Variants in STUM observed in about 807,000 individuals in gnomAD.
STUM encodes protein stum homolog.
A neutral mutation model predicts 15.3 loss-of-function variants in STUM; 8 were observed. The ratio of observed to expected loss-of-function variants is 0.52; its 90% confidence interval spans 0.31 to 0.94. The LOEUF (loss-of-function observed/expected upper bound fraction) is 0.94, where lower values mean the gene tolerates loss of function less well. STUM is among the 40% of genes least tolerant of loss of function. The probability of loss-of-function intolerance (pLI) is 0.05; values close to 1 mark genes in which losing one functional copy is unlikely to be tolerated. For missense variants in STUM, 142 were observed against 204.9 expected (o/e 0.69, Z 1.87); for synonymous variants, 78 against 88.7 (o/e 0.88, Z 0.68).
chr1:226,594,133 T>C (rs930232724), intron 1 of STUM, among the ~76,000 whole-genome samples: 1 of 152,084 alleles, frequency 6.6e-6, no homozygotes, highest in Non-Finnish European at 1.5e-5. Context: ...AATCAGCATG[T>C]GGACTCAGGC....
At chr1:226,563,257 C>G (rs766814885) in intron 1 of STUM, among the ~76,000 whole-genome samples, 1 of 152,248 alleles carries the variant, frequency 6.6e-6, no homozygotes, top group Non-Finnish European at 1.5e-5. Flanking sequence ...GTCACATCCT[C>G]TCTCTTATCA....
Position 226,596,858 on chromosome 1 carries a change from A to G in STUM, c.259A>G (p.Arg87Gly). The G allele has an allele frequency of 6.2e-7, 1 of 1,614,204 alleles. No individual in the cohort carries two copies. The highest frequency in any genetic ancestry group is 8.5e-7 in the Non-Finnish European group (1 of 1,180,022). Residue 87 changes from arginine (R) to glycine (G), a missense_variant, in exon 2 of 4, where the codon AGG becomes GGG. Transcript: ENST00000366788. Reference protein sequence around the residue: ...LCGARTDLPDRHVCCVFWLNI... With the variant: ...LCGARTDLPDGHVCCVFWLNI... ...CGGGGCCCGCACCGACCTCCCGGAC[A>G]GGCATGTGTGCTGCGTCTTCTGGCT...
chr1:226,566,815 A>G (rs1436049511), intron 1 of STUM, among the ~76,000 whole-genome samples: 3 of 152,192 alleles, frequency 2.0e-5, no homozygotes, highest in Non-Finnish European at 4.4e-5. Flanking sequence ...GATTTTTATA[A>G]GTGGGTTTTG....
At position 226,600,591 on chromosome 1, in the gene STUM, C is replaced by T; in HGVS notation, c.383-75C>T. ...CCTGTGCCAAGCGTTCCCTGTGGCTCTGTTTTCAGGCTGTGTTTTCTCTTC... is the reference window on the plus strand; with the variant it reads ...CCTGTGCCAAGCGTTCCCTGTGGCTTTGTTTTCAGGCTGTGTTTTCTCTTC... On this transcript the variant is annotated intron_variant, in intron 2 of 3. Coordinates refer to ENST00000366788, the MANE Select transcript of STUM (RefSeq NM_001003665.4). This position sits in a 1 kb window ranked among gnomAD's most constrained non-coding sequence, Gnocchi z 5.2. The T allele has an allele frequency of 6.4e-7, 1 of 1,570,214 alleles. No individual in the cohort carries two copies. The highest frequency in any genetic ancestry group is 8.7e-7 in the Non-Finnish European group (1 of 1,147,214).
chr1:226,588,776 C>T lies in STUM; in HGVS notation c.203-8026C>T, dbSNP rs559245990. Among the ~76,000 whole-genome samples the T allele has an allele frequency of 2.0e-5, 3 of 152,298 alleles. No individual in the cohort carries two copies. In the East Asian group the frequency reaches 5.8e-4, roughly 29 times the overall value. On this transcript the variant is annotated intron_variant, in intron 1 of 3. Coordinates refer to ENST00000366788, the MANE Select transcript of STUM (RefSeq NM_001003665.4). ...CTGATTTTGACCCTGAACATAATCT[C>T]CCATTTAGCTTATTCTGGCCTTGAA... is the stretch of plus-strand genomic sequence containing the variant.
chr1:226,563,530 G>A (rs971073045), intron 1 of STUM, among the ~76,000 whole-genome samples: 17 of 152,222 alleles, frequency 1.1e-4, no homozygotes, highest in African/African-American at 2.4e-5. Flanking sequence ...GGGTCATTGT[G>A]CACACCCAAT....
chr1:226,559,519 T>C (rs1201370493), intron 1 of STUM, among the ~76,000 whole-genome samples: 4 of 152,220 alleles, frequency 2.6e-5, no homozygotes, highest in Non-Finnish European at 1.5e-5. Context: ...AATGAAGACC[T>C]GGTGAGGACT....
intron 1 of STUM, among the ~76,000 whole-genome samples, chr1:226,573,255 A>G (rs866876768): frequency 2.0e-5 from 3 of 152,042 alleles, no homozygotes; most frequent in Non-Finnish European, 4.4e-5. Context: ...GGTTTGATGA[A>G]CCTGATGTTA....
rs1668412678 is a variant in STUM, at chr1:226,609,201, T to A, written c.*7161T>A. 6.6e-6 allele frequency: 1 copy of A among 152,194 alleles called. No individual in the cohort carries two copies. Among genetic ancestry groups the A allele is most frequent in the Non-Finnish European group, 1.5e-5 (1 of 68,044 alleles). The allele number at this position is 152,194 out of a possible 1,614,324, so 9.4% of individuals were successfully genotyped here. On this transcript the variant is annotated 3_prime_UTR_variant, in exon 4 of 4. Coordinates refer to ENST00000366788, the MANE Select transcript of STUM (RefSeq NM_001003665.4). ...CCTCTTTTCTATGTTGTAATAAACA[T>A]TCATGTGACCTTTCTGGTAGTTTCT...
At chr1:226,577,693 G>A (rs367910519) in intron 1 of STUM, among the ~76,000 whole-genome samples, 3 of 152,170 alleles carry the variant, frequency 2.0e-5, no homozygotes, top group East Asian at 1.9e-4. Context: ...AGGGAGGGGG[G>A]GCCAGCAGCA....
intron 1 of STUM, among the ~76,000 whole-genome samples, chr1:226,580,771 G>C (rs1264898521): frequency 6.6e-6 from 1 of 152,148 alleles, no homozygotes; most frequent in Non-Finnish European, 1.5e-5. Context: ...ACTAATCGAA[G>C]GGTTCTATGT....
intron 1 of STUM, among the ~76,000 whole-genome samples, chr1:226,571,231 T>C (rs1667706107): frequency 6.9e-6 from 1 of 145,588 alleles, no homozygotes; most frequent in African/African-American, 2.7e-5. Flanking sequence ...TGGGACTGTC[T>C]CAAAAACAAA....
intron 1 of STUM, among the ~76,000 whole-genome samples, chr1:226,583,746 A>G (rs979935523): frequency 5.9e-5 from 9 of 152,052 alleles, no homozygotes; most frequent in African/African-American, 2.2e-4. Context: ...TGTTACCCTA[A>G]CAGATTCTCT....
rs1667392122 is a variant in STUM at position 226,552,797 on chromosome 1, C to T, written c.202+3691C>T. Among the ~76,000 whole-genome samples, 1 of 152,228 alleles carries T rather than the reference C, an allele frequency of 6.6e-6. No homozygotes were observed. ...CAAACTGATGATTAATCATGTCCTA[C>T]CTCCTGGCATCTTTTGTATCATAGA... On this transcript the variant is annotated intron_variant, in intron 1 of 3. Transcript: ENST00000366788. This position sits in a 1 kb window ranked among gnomAD's most constrained non-coding sequence, Gnocchi z 4.7.
intron 1 of STUM, among the ~76,000 whole-genome samples, chr1:226,585,524 T>C (rs762221131): frequency 2.0e-5 from 3 of 152,236 alleles, no homozygotes; most frequent in Non-Finnish European, 4.4e-5. Context: ...AGAAGTGCCA[T>C]CATTTGTCAA....
chr1:226,550,102 A>G (rs1363856143), intron 1 of STUM, among the ~76,000 whole-genome samples: 1 of 152,108 alleles, frequency 6.6e-6, no homozygotes, highest in African/African-American at 2.4e-5. Flanking sequence ...TCCGGGAGAA[A>G]GCGTGCCCCT....
intron 1 of STUM, among the ~76,000 whole-genome samples, chr1:226,575,498 T>C (rs1471106471): frequency 6.6e-6 from 1 of 152,144 alleles, no homozygotes; most frequent in Non-Finnish European, 1.5e-5. Flanking sequence ...GCCAGGTCCA[T>C]GGACTGGGCC....
chr1:226,572,275 CTCTGAGAT>C (rs1402845389), intron 1 of STUM, among the ~76,000 whole-genome samples: 2 of 152,234 alleles, frequency 1.3e-5, no homozygotes, highest in Admixed American at 1.3e-4. Flanking sequence ...GAGCCATTGA[CTCTGAGAT>C]TCTCAGGGCT....
intron 1 of STUM, among the ~76,000 whole-genome samples, chr1:226,564,849 G>A (rs142327250): frequency 1.4e-3 from 211 of 152,316 alleles, no homozygotes; most frequent in African/African-American, 4.6e-3. Flanking sequence ...CGCTTAGCCT[G>A]ATGCATCTCA....
Sources: gnomAD v4.1 joint callset for allele counts (sites outside exome capture counted in the v4.1 genomes callset) on GRCh38, gnomAD v4.1.1 for gene constraint, Gnocchi (gnomAD v3.1) non-coding constraint, MANE v1.5 for transcripts, NCBI Gene and HGNC (gene_info 2026-07-23, HGNC 2026-07-21) for gene names.